The following TCF7L1 variants were observed in gnomAD, a reference collection of about 807,000 sequenced individuals.
TCF7L1 encodes transcription factor 7-like 1.
A neutral mutation model predicts 63.7 loss-of-function variants in TCF7L1; 18 were observed. The observed-to-expected ratio is 0.28, with a 90% confidence interval of 0.20 to 0.42. The LOEUF (loss-of-function observed/expected upper bound fraction) is 0.42. TCF7L1 is among the 10% of genes least tolerant of loss of function. The pLI is 1.00. For synonymous variants in TCF7L1, 355 were observed against 340.9 expected (o/e 1.04, Z -0.46); for missense variants, 654 against 779.3 (o/e 0.84, Z 1.91).
At chr2:85,166,778 A>G (rs1252214041) in intron 3 of TCF7L1, 1 of 152,212 alleles carries the variant, frequency 6.6e-6, no homozygotes, top group African/African-American at 2.4e-5. Flanking sequence ...TCTCTTTAGC[A>G]CCTCTCAGTT....
Position 85,218,341 on chromosome 2 carries a change from C to T in TCF7L1, c.442-65154C>T, listed in dbSNP as rs542839590. Among the ~76,000 whole-genome samples the T allele has an allele frequency of 2.6e-4, 39 of 152,166 alleles. No individual in the cohort carries two copies. The East Asian group carries it at 6.6e-3, about 26-fold the overall frequency. ...GCACGATCTTGGCTCACTGCAATTC[C>T]GCCTCCTGGGCTCAAGCAATCCTTC... is the stretch of plus-strand genomic sequence containing the variant. On this transcript the variant is annotated intron_variant, in intron 3 of 11. Transcript: ENST00000282111.
At chr2:85,281,235 G>A (rs777493035) in intron 3 of TCF7L1, among the ~76,000 whole-genome samples, 5 of 152,074 alleles carry the variant, frequency 3.3e-5, no homozygotes, top group African/African-American at 4.8e-5. Flanking sequence ...ATGTTGGCCA[G>A]GCTGGTCTTG....
At chr2:85,222,358 A>C (rs1241289981) in intron 3 of TCF7L1, among the ~76,000 whole-genome samples, 2 of 142,224 alleles carry the variant, frequency 1.4e-5, no homozygotes, top group African/African-American at 2.5e-5. Context: ...AAAACAAACA[A>C]ACAAACAAAA....
chr2:85,236,181 A>AC (rs397730301), intron 3 of TCF7L1, among the ~76,000 whole-genome samples: 2 of 150,878 alleles, frequency 1.3e-5, no homozygotes, highest in South Asian at 4.2e-4. Flanking sequence ...CCCAAAAAAA[A>AC]CCCAACCTTG....
In TCF7L1 at chr2:85,180,122, G is replaced by T. The variant is rs560801938; in HGVS notation, c.441+45672G>T. On this transcript the variant is annotated intron_variant, in intron 3 of 11. Transcript: ENST00000282111. ...GCAGGGGGCACTGGCTGGGGAGAGG[G>T]CCGAGAAGATCTCCTTTGAGAGATG... Among the ~76,000 whole-genome samples, 266 of 152,136 alleles carry T rather than the reference G, an allele frequency of 1.7e-3. 2 individuals carry two copies. The highest frequency in any genetic ancestry group is 6.2e-3 in the African/African-American group (257 of 41,488).
chr2:85,201,038 T>TA (rs1038946538), intron 3 of TCF7L1, among the ~76,000 whole-genome samples: 10 of 151,996 alleles, frequency 6.6e-5, no homozygotes, highest in African/African-American at 1.9e-4. Context: ...CTGTCTCTAC[T>TA]AAAAAATATA....
intron 3 of TCF7L1, among the ~76,000 whole-genome samples, chr2:85,173,168 A>G (rs912649835): frequency 6.6e-6 from 1 of 152,236 alleles, no homozygotes; most frequent in African/African-American, 2.4e-5. Context: ...GAAGATAACA[A>G]GCTTGTCTTC....
At chr2:85,145,546 G>A (rs79553963) in intron 3 of TCF7L1, among the ~76,000 whole-genome samples, 2,038 of 152,302 alleles carry the variant, frequency 0.013, 32 homozygotes, top group Non-Finnish European at 0.018. Context: ...AAACTCAGCC[G>A]GATTTGCAAG....
chr2:85,240,490 G>A (rs1045411440), intron 3 of TCF7L1, among the ~76,000 whole-genome samples: 1 of 151,994 alleles, frequency 6.6e-6, no homozygotes, highest in Non-Finnish European at 1.5e-5. Context: ...TAAAACCATT[G>A]GCTGGGCATG....
At chr2:85,169,392 G>A (rs1054848344) in intron 3 of TCF7L1, among the ~76,000 whole-genome samples, 21 of 148,754 alleles carry the variant, frequency 1.4e-4, no homozygotes, top group African/African-American at 5.2e-4. Context: ...ATGGAGTTTC[G>A]CTCTGTTGCC....
chr2:85,172,614 C>T (rs1200982542), intron 3 of TCF7L1, among the ~76,000 whole-genome samples: 4 of 152,088 alleles, frequency 2.6e-5, no homozygotes, highest in Non-Finnish European at 5.9e-5. Flanking sequence ...TTAGTAGAGA[C>T]GGGGTTTCAC....
intron 3 of TCF7L1, among the ~76,000 whole-genome samples, chr2:85,270,389 G>A (rs936194597): frequency 2.0e-5 from 3 of 152,236 alleles, no homozygotes; most frequent in Admixed American, 6.5e-5. Context: ...GCTGAGTTCC[G>A]CTTTGTGCCA....
chr2:85,277,165 T>A (rs1681292646), intron 3 of TCF7L1, among the ~76,000 whole-genome samples: 1 of 151,760 alleles, frequency 6.6e-6, no homozygotes. Flanking sequence ...ACCAGGGAAG[T>A]GTTCTGAGCA....
intron 3 of TCF7L1, among the ~76,000 whole-genome samples, chr2:85,197,454 G>GC (rs879578103): frequency 5.9e-4 from 90 of 152,156 alleles, no homozygotes; most frequent in South Asian, 1.0e-3. Flanking sequence ...CAGAATGTCT[G>GC]CTAAGGCTCC....
At chr2:85,262,541 C>T (rs1056196603) in intron 3 of TCF7L1, among the ~76,000 whole-genome samples, 17 of 152,272 alleles carry the variant, frequency 1.1e-4, no homozygotes, top group African/African-American at 3.1e-4. Context: ...GGTAAAAACA[C>T]GAGCATTTCC....
At chr2:85,204,713 A>G (rs1679359812) in intron 3 of TCF7L1, among the ~76,000 whole-genome samples, 1 of 152,170 alleles carries the variant, frequency 6.6e-6, no homozygotes, top group Non-Finnish European at 1.5e-5. Context: ...CTGCCAAAAT[A>G]CCATCCAAAA....
intron 3 of TCF7L1, among the ~76,000 whole-genome samples, chr2:85,182,089 G>A (rs982382127): frequency 1.3e-5 from 2 of 152,162 alleles, no homozygotes. Flanking sequence ...GATGGACGGG[G>A]CGCCTGAAGG....
intron 3 of TCF7L1, among the ~76,000 whole-genome samples, chr2:85,259,685 T>C (rs189581856): frequency 1.3e-5 from 2 of 152,234 alleles, no homozygotes; most frequent in Non-Finnish European, 2.9e-5. Flanking sequence ...GAATAATCTT[T>C]TGGGAAAAAC....
At chr2:85,150,523 C>T (rs777484511) in intron 3 of TCF7L1, among the ~76,000 whole-genome samples, 11 of 152,032 alleles carry the variant, frequency 7.2e-5, no homozygotes, top group Non-Finnish European at 1.0e-4. Flanking sequence ...TGAGCCACCG[C>T]GCCCGGCCAT....
Sources: allele counts gnomAD v4.1 joint callset (sites outside exome capture counted in the v4.1 genomes callset), GRCh38; gene constraint gnomAD v4.1.1; transcripts MANE v1.5; gene names NCBI Gene and HGNC (gene_info 2026-07-23, HGNC 2026-07-21).